ST6GALNAC6: variants seen among roughly 807,000 people sequenced by gnomAD.
ST6GALNAC6 encodes the protein alpha-N-acetylgalactosaminide alpha-2,6-sialyltransferase 6.
In ST6GALNAC6, 19 loss-of-function variants were observed where a neutral mutation model predicts 34.3. That is an observed-to-expected ratio of 0.55 (90% CI 0.39 to 0.81). The LOEUF (loss-of-function observed/expected upper bound fraction) is 0.81, where lower values mean the gene tolerates loss of function less well. Among genes scored for constraint, ST6GALNAC6 ranks in the 40% least tolerant of loss-of-function variants. The probability of loss-of-function intolerance (pLI) is 0.00; values close to 1 mark genes in which losing one functional copy is unlikely to be tolerated. For synonymous variants in ST6GALNAC6, 185 were observed against 182.1 expected, an observed-to-expected ratio of 1.02 and a Z score of -0.13; for missense variants, 377 against 467.7, an observed-to-expected ratio of 0.81 and a Z score of 1.79.
At chr9:127,902,177 G>T (rs2131598468), upstream of ST6GALNAC6, among the ~76,000 whole-genome samples, 1 of 152,202 alleles carries the variant, frequency 6.6e-6, no homozygotes, top group Non-Finnish European at 1.5e-5. Flanking sequence ...GTTTTTTATT[G>T]AGATAAAGTC....
chr9:127,900,991 C>CCAAAAAAAAA (rs1830735446), upstream of ST6GALNAC6, among the ~76,000 whole-genome samples: 1 of 60,986 alleles, frequency 1.6e-5, no homozygotes, highest in African/African-American at 7.0e-5. Flanking sequence ...AACTCCCTAT[C>CCAAAAAAAAA]AAAAAAAAAA....
Position 127,890,969 on chromosome 9 carries a change from A to G in ST6GALNAC6, c.372T>C (p.Pro124=), listed in dbSNP as rs949583057. Residue 124 remains proline, a synonymous_variant, in exon 5 of 7, where the codon CCT becomes CCC. Transcript: ENST00000373146. This position sits in a 1 kb window ranked among gnomAD's most constrained non-coding sequence, Gnocchi z 4.3. The part of the protein sequence containing the change: ...SSHLLGTKLG[P]EIERAECTIR... ...TTGTACACTCAGCCCGCTCGATCTC[A>G]GGGCCCAGCTTGGTGCCCAGCAGGT... 3 of 1,613,838 alleles carry G rather than the reference A, an allele frequency of 1.9e-6. No individual in the cohort carries two copies. Among genetic ancestry groups the G allele is most frequent in the Admixed American group, 1.7e-5 (1 of 59,996 alleles).
At chr9:127,888,591 G>A (rs1475028725) in intron 5 of ST6GALNAC6, among the ~76,000 whole-genome samples, 4 of 150,502 alleles carry the variant, frequency 2.7e-5, no homozygotes, top group Non-Finnish European at 4.4e-5. Flanking sequence ...GGCAGATCAC[G>A]AAGTCAAGAG....
chr9:127,898,412 A>G (rs1830600610), intron 1 of ST6GALNAC6, among the ~76,000 whole-genome samples: 1 of 151,872 alleles, frequency 6.6e-6, no homozygotes, highest in South Asian at 2.1e-4. Flanking sequence ...ACAAAAATAA[A>G]TAAATAAAAT....
upstream of ST6GALNAC6, chr9:127,899,705 G>A (rs1830682631): frequency 4.1e-6 from 4 of 974,562 alleles, no homozygotes; most frequent in Admixed American, 6.2e-5. Context: ...CCGCCCACGG[G>A]CGGCGCGGGC....
chr9:127,891,274 G>A (rs1453295885), intron 4 of ST6GALNAC6, among the ~76,000 whole-genome samples: 4 of 152,178 alleles, frequency 2.6e-5, no homozygotes. Context: ...AAACAGGTGG[G>A]GAGACAGATA....
intron 2 of ST6GALNAC6, chr9:127,897,727 C>G: frequency 9.3e-7 from 1 of 1,070,740 alleles, no homozygotes; most frequent in Non-Finnish European, 1.3e-6. Flanking sequence ...GCCCTGAGAC[C>G]TTGGCATTCA....
rs2131443496 is a variant in ST6GALNAC6 at position 127,885,446 on chromosome 9, A to G, written c.*1153T>C. 1 of 152,724 alleles carries G rather than the reference A, an allele frequency of 6.5e-6. No individual in the cohort carries two copies. The highest frequency in any genetic ancestry group is 1.5e-5 in the Non-Finnish European group (1 of 68,370). 9.5% of individuals were successfully genotyped at this position (152,724 alleles called of 1,614,324 possible). On this transcript the variant is annotated 3_prime_UTR_variant, in exon 7 of 7. Transcript: ENST00000373146. The stretch of plus-strand genomic sequence containing the variant: ...CTGGCCTCCTCCATCTGGTCCCTCC[A>G]GCCTCACAGCCTCCTCCTGAAGCCC...
rs765601534 is a variant in ST6GALNAC6 at position 127,890,765 on chromosome 9, G to C, written c.576C>G (p.Pro192=). ...FWGPPSKMQK[P]QGSLVRVIQR... is the part of the protein sequence containing the mutation. ...GGATCACACGCACGAGGCTGCCCTG[G>C]GGCTTCTGCATCTTGCTCGGGGGCC... Residue 192 remains proline (P), a synonymous_variant, in exon 5 of 7, where the codon CCC becomes CCG. Coordinates refer to ENST00000373146, the MANE Select transcript of ST6GALNAC6 (RefSeq NM_013443.5). The surrounding 1 kb of genome is among the most constrained non-coding windows in gnomAD (Gnocchi z 4.3). 6.2e-7 allele frequency: 1 copy of C among 1,612,620 alleles called. No homozygotes were observed. The highest frequency in any genetic ancestry group is 8.5e-7 in the Non-Finnish European group (1 of 1,178,818).
intron 2 of ST6GALNAC6, chr9:127,897,079 CAG>C: frequency 5.7e-6 from 5 of 874,518 alleles, no homozygotes; most frequent in Non-Finnish European, 6.9e-6. Context: ...ATCACAGTCT[CAG>C]GGGGTGGCTG....
In ST6GALNAC6 at chr9:127,894,692, C is replaced by G; in HGVS notation, c.118-1G>C. 6.2e-7 allele frequency: 1 copy of G among 1,613,764 alleles called. No homozygotes were observed. Among genetic ancestry groups the G allele is most frequent in the Non-Finnish European group, 8.5e-7 (1 of 1,179,724 alleles). ...TCACGAACACTGCTGACCGCTGCTC[C>G]TGGAGAGAGGAGAGGTCAGTGAGGG... On this transcript the variant is annotated splice_acceptor_variant, in intron 3 of 6. Transcript: ENST00000373146. LOFTEE classifies it high-confidence loss of function.
chr9:127,888,374 C>T (rs1375045303), intron 5 of ST6GALNAC6, among the ~76,000 whole-genome samples: 1 of 151,488 alleles, frequency 6.6e-6, no homozygotes, highest in African/African-American at 2.4e-5. Context: ...CATGGTGGCA[C>T]GTGCCTGTAG....
At chr9:127,891,746 G>A (rs998817379) in intron 4 of ST6GALNAC6, among the ~76,000 whole-genome samples, 1 of 126,598 alleles carries the variant, frequency 7.9e-6, no homozygotes, top group African/African-American at 2.9e-5. Flanking sequence ...GGAGGGGGAG[G>A]GGAAGAAGAC....
upstream of ST6GALNAC6, among the ~76,000 whole-genome samples, chr9:127,902,749 C>T (rs1045700400): frequency 2.0e-5 from 3 of 150,536 alleles, no homozygotes; most frequent in East Asian, 1.9e-4. Context: ...CTACCACGCT[C>T]GGCTAATTTT....
At chr9:127,901,397 C>T (rs10987770), upstream of ST6GALNAC6, among the ~76,000 whole-genome samples, 430 of 151,996 alleles carry the variant, frequency 2.8e-3, 12 homozygotes, top group East Asian at 0.07. Context: ...CGAGACCAGC[C>T]TGGCTAACAT....
rs751861269 is a variant in ST6GALNAC6 at position 127,886,499 on chromosome 9, T to C, written c.*100A>G. The stretch of plus-strand genomic sequence containing the variant: ...AAGGCCCTGATTGGCTGGGAGACAC[T>C]CCAGCAAGCCTTGATTGGCCAGAAG... On this transcript the variant is annotated 3_prime_UTR_variant, in exon 7 of 7. Transcript: ENST00000373146. 3.3e-6 allele frequency: 5 copies of C among 1,524,642 alleles called. No homozygotes were observed. The African/African-American group carries it at 5.5e-5, about 17-fold the overall frequency. 94.4% of individuals were successfully genotyped at this position (1,524,642 alleles called of 1,614,324 possible). A position where few individuals can be genotyped will look rare whatever the true frequency, so the allele number is the denominator to read the frequency against.
chr9:127,898,908 G>T (rs1044271377), intron 1 of ST6GALNAC6, among the ~76,000 whole-genome samples: 1 of 152,128 alleles, frequency 6.6e-6, no homozygotes, highest in East Asian at 1.9e-4. Context: ...CTGGGGAGGC[G>T]GCAGCCCCGA....
At position 127,890,639 on chromosome 9, in the gene ST6GALNAC6, G is replaced by C; in HGVS notation, c.702C>G (p.Asp234Glu). 1 of 1,613,162 alleles carries C rather than the reference G, an allele frequency of 6.2e-7. No individual in the cohort carries two copies. ...DDLFRGETGK[D>E]REKSHSWLST... is the part of the protein sequence containing the mutation. ...GGGGGCAGGCAGGAGGCTGGTACCT[G>C]TCCTTGCCCGTCTCACCCCGGAAGA... Residue 234 changes from aspartate (D) to glutamate (E), a missense_variant and splice_region_variant, in exon 5 of 7, where the codon GAC becomes GAG. Coordinates refer to ENST00000373146, the MANE Select transcript of ST6GALNAC6 (RefSeq NM_013443.5). This position sits in a 1 kb window ranked among gnomAD's most constrained non-coding sequence, Gnocchi z 4.3.
intron 1 of ST6GALNAC6, 171 bp downstream of exon 1, chr9:127,899,332 C>T: frequency 4.0e-6 from 1 of 249,606 alleles, no homozygotes; most frequent in Non-Finnish European, 6.4e-6. Context: ...GCGCGAGGAC[C>T]GGAACCTCGG....
Sources: gnomAD v4.1 joint callset for allele counts (sites outside exome capture counted in the v4.1 genomes callset) on GRCh38, gnomAD v4.1.1 for gene constraint, Gnocchi (gnomAD v3.1) non-coding constraint, MANE v1.5 for transcripts, NCBI Gene and HGNC (gene_info 2026-07-23, HGNC 2026-07-21) for gene names.